The following CDH12 variants were observed in gnomAD, a reference collection of about 807,000 sequenced individuals.
CDH12 encodes the protein cadherin 12.
In CDH12, 41 loss-of-function variants were observed where a neutral mutation model predicts 74.1. That is an observed-to-expected ratio of 0.55 (90% CI 0.43 to 0.72). The LOEUF (loss-of-function observed/expected upper bound fraction) is 0.72. Among genes scored for constraint, CDH12 ranks in the 30% least tolerant of loss-of-function variants. CDH12 has a pLI of 0.00. For missense variants in CDH12, 945 were observed against 977.2 expected (o/e 0.97, Z 0.44); for synonymous variants, 399 against 355.0 (o/e 1.12, Z -1.39).
chr5:21,966,169 T>A (rs59053652), intron 6 of CDH12, among the ~76,000 whole-genome samples: 2,504 of 151,432 alleles, frequency 0.017, 65 homozygotes, highest in African/African-American at 0.056. Context: ...TTTTTTTTTT[T>A]TTTTTTCTTT....
At chr5:21,811,615 C>T (rs1338806143) in intron 9 of CDH12, among the ~76,000 whole-genome samples, 1 of 151,442 alleles carries the variant, frequency 6.6e-6, no homozygotes, top group Non-Finnish European at 1.5e-5. Context: ...TGTAGCTCAC[C>T]TCTTAATTTC....
chr5:22,709,046 C>T (rs1267917236), intron 1 of CDH12, among the ~76,000 whole-genome samples: 2 of 152,002 alleles, frequency 1.3e-5, no homozygotes, highest in African/African-American at 2.4e-5. Flanking sequence ...AAGAGGGATG[C>T]TCAAATATAG....
At chr5:22,217,756 A>C (rs1005993461) in intron 3 of CDH12, among the ~76,000 whole-genome samples, 1 of 151,754 alleles carries the variant, frequency 6.6e-6, no homozygotes, top group African/African-American at 2.4e-5. Flanking sequence ...GCCATTAAAC[A>C]AATGGACATA....
intron 1 of CDH12, among the ~76,000 whole-genome samples, chr5:22,534,985 T>G (rs1737765884): frequency 6.7e-6 from 1 of 148,590 alleles, no homozygotes; most frequent in East Asian, 1.9e-4. Context: ...CATTTTTTTT[T>G]TTTTTGAGAC....
At chr5:22,284,857 A>T (rs56741384) in intron 3 of CDH12, among the ~76,000 whole-genome samples, 8 of 151,940 alleles carry the variant, frequency 5.3e-5, no homozygotes, top group African/African-American at 1.7e-4. Flanking sequence ...TTAAAAAATG[A>T]AAAAAGACCA....
intron 4 of CDH12, among the ~76,000 whole-genome samples, chr5:22,173,591 T>G (rs1373588354): frequency 6.6e-6 from 1 of 151,378 alleles, no homozygotes; most frequent in Non-Finnish European, 1.5e-5. Context: ...ATTACTTCGA[T>G]TTTTACAACC....
rs144873875 is a variant in CDH12 at position 22,263,108 on chromosome 5, C to T, written c.-332-50465G>A. On this transcript the variant is annotated intron_variant, in intron 3 of 14. Transcript: ENST00000382254. Reference sequence around the variant, plus strand: ...AAAAATGCTCATCATCACTGGCCATCAGAGAAATGCAAGTGCATACACTAT... The same window carrying T: ...AAAAATGCTCATCATCACTGGCCATTAGAGAAATGCAAGTGCATACACTAT... 7.3e-3 allele frequency among the ~76,000 whole-genome samples: 1,114 copies of T among 152,160 alleles called. 15 individuals carry two copies. The South Asian group carries it at 0.077, about 10-fold the overall frequency.
intron 4 of CDH12, among the ~76,000 whole-genome samples, chr5:22,093,905 T>C (rs572282552): frequency 6.6e-6 from 1 of 152,276 alleles, no homozygotes; most frequent in Admixed American, 6.5e-5. Context: ...AAGGTCCCAA[T>C]TCATGTGTTA....
At chr5:21,760,257 G>A (rs1471754703) in intron 13 of CDH12, among the ~76,000 whole-genome samples, 1 of 152,082 alleles carries the variant, frequency 6.6e-6, no homozygotes, top group Non-Finnish European at 1.5e-5. Context: ...TATAAGTAAT[G>A]TATATTTGGG....
intron 1 of CDH12, among the ~76,000 whole-genome samples, chr5:22,762,931 C>T (rs781293382): frequency 6.6e-6 from 1 of 151,860 alleles, no homozygotes; most frequent in African/African-American, 2.4e-5. Flanking sequence ...GAGTTCCCTG[C>T]TTGTACATGT....
At chr5:22,773,914 G>A (rs1746950613) in intron 1 of CDH12, among the ~76,000 whole-genome samples, 2 of 152,168 alleles carry the variant, frequency 1.3e-5, no homozygotes, top group African/African-American at 2.4e-5. Flanking sequence ...TCAGAGAAAT[G>A]CAAATCAAAA....
rs541541576 is a variant in CDH12 at position 21,868,149 on chromosome 5, A to G, written c.527-13359T>C. 4.0e-3 allele frequency among the ~76,000 whole-genome samples: 598 copies of G among 151,008 alleles called. 2 individuals carry two copies. Among genetic ancestry groups the G allele is most frequent in the Admixed American group, 9.2e-3 (139 of 15,098 alleles). On this transcript the variant is annotated intron_variant, in intron 6 of 14. Transcript: ENST00000382254. Reference sequence around the variant, plus strand: ...CCAGCCATGTGGAACTGTGAGTCCAATTAAACCTCTTTCTTTTGTAAATTG... The same window carrying G: ...CCAGCCATGTGGAACTGTGAGTCCAGTTAAACCTCTTTCTTTTGTAAATTG...
intron 1 of CDH12, among the ~76,000 whole-genome samples, chr5:22,711,633 T>C (rs539011235): frequency 6.6e-6 from 1 of 152,240 alleles, no homozygotes; most frequent in East Asian, 1.9e-4. Context: ...TAAATAATTC[T>C]GTACCAAATG....
chr5:22,190,394 AT>A (rs1750207557), intron 4 of CDH12, among the ~76,000 whole-genome samples: 1 of 147,048 alleles, frequency 6.8e-6, no homozygotes, highest in Admixed American at 6.7e-5. Flanking sequence ...CTATCTATCT[AT>A]CTATCTATCC....
At chr5:21,926,080 T>A (rs1386223101) in intron 6 of CDH12, among the ~76,000 whole-genome samples, 1 of 152,166 alleles carries the variant, frequency 6.6e-6, no homozygotes, top group Non-Finnish European at 1.5e-5. Context: ...AAGTTCAGAT[T>A]GATCTGTAAC....
intron 1 of CDH12, among the ~76,000 whole-genome samples, chr5:22,606,164 G>T (rs1422797046): frequency 6.6e-6 from 1 of 152,124 alleles, no homozygotes; most frequent in Non-Finnish European, 1.5e-5. Context: ...CACATCCTTA[G>T]TCCCAGCATC....
rs192093811 is a variant in CDH12, at chr5:22,497,339, C to T, written c.-428+7931G>A. 2.8e-4 allele frequency among the ~76,000 whole-genome samples: 43 copies of T among 152,278 alleles called. No individual in the cohort carries two copies. The East Asian group carries it at 3.1e-3, about 11-fold the overall frequency. On this transcript the variant is annotated intron_variant, in intron 2 of 14. Coordinates refer to ENST00000382254, the MANE Select transcript of CDH12 (RefSeq NM_004061.5). ...CAAAGCTATATTCCCATTGCTCAGG[C>T]CAGATACCATGAATTCACCTTGGAT...
chr5:22,455,532 T>C (rs1411119561), intron 2 of CDH12, among the ~76,000 whole-genome samples: 4 of 152,148 alleles, frequency 2.6e-5, no homozygotes, highest in Admixed American at 2.6e-4. Context: ...TAGGTGATTT[T>C]GACAAAAGCT....
chr5:22,791,577 T>G (rs1011773806), intron 1 of CDH12, among the ~76,000 whole-genome samples: 4 of 152,216 alleles, frequency 2.6e-5, no homozygotes, highest in Non-Finnish European at 4.4e-5. Flanking sequence ...TGTTCCATAG[T>G]AACTGTATTA....
Sources: allele counts gnomAD v4.1 joint callset (sites outside exome capture counted in the v4.1 genomes callset), GRCh38; gene constraint gnomAD v4.1.1; transcripts MANE v1.5; gene names NCBI Gene and HGNC (gene_info 2026-07-23, HGNC 2026-07-21).